SETDB2: variants seen among roughly 807,000 people sequenced by gnomAD.
SETDB2 encodes the protein SET domain bifurcated histone lysine methyltransferase 2, also known as histone-lysine N-methyltransferase SETDB2.
Under a neutral mutation model 82.5 loss-of-function variants are expected in SETDB2, and 56 were observed. That is an observed-to-expected ratio of 0.68 (90% CI 0.55 to 0.85). SETDB2 has a LOEUF of 0.85. Among genes scored for constraint, SETDB2 ranks in the 40% least tolerant of loss-of-function variants. The pLI is 0.00. For synonymous variants in SETDB2, 272 were observed against 284.9 expected (o/e 0.95, Z 0.46); for missense variants, 677 against 816.4 (o/e 0.83, Z 2.08).
At chr13:49,460,083 G>T (rs1383117510) in intron 2 of SETDB2, 24 bp from the exon 3 acceptor site, 2 of 1,604,004 alleles carry the variant, frequency 1.2e-6, no homozygotes, top group Non-Finnish European at 8.5e-7. Flanking sequence ...TAGCTCTTAG[G>T]CTAGTCACTT....
intron 5 of SETDB2, among the ~76,000 whole-genome samples, chr13:49,474,265 C>CAA (rs11386165): frequency 2.0e-4 from 30 of 148,110 alleles, no homozygotes; most frequent in African/African-American, 5.4e-4. Flanking sequence ...CACTCTCTCT[C>CAA]AAAAAAAAAA....
Position 49,494,759 on chromosome 13 carries a change from TA to T in SETDB2, c.*2912del. On this transcript the variant is annotated 3_prime_UTR_variant, in exon 14 of 14. Transcript: ENST00000611815. ...TCAAGACTATACAAATTGTCCTTTT[TA>T]ATGTTCTCTCTTCTGCTATCCCTAG... The T allele has an allele frequency of 6.6e-6, 1 of 152,348 alleles. No homozygotes were observed. The highest frequency in any genetic ancestry group is 2.4e-5 in the African/African-American group (1 of 41,576). The allele number at this position is 152,348 out of a possible 1,614,324, so 9.4% of individuals were successfully genotyped here.
Position 49,490,852 on chromosome 13 carries a change from A to G in SETDB2, c.1948A>G (p.Asn650Asp). 1 of 1,613,586 alleles carries G rather than the reference A, an allele frequency of 6.2e-7. No homozygotes were observed. The highest frequency in any genetic ancestry group is 8.5e-7 in the Non-Finnish European group (1 of 1,179,636). The change falls in exon 13 of 14, where the codon AAT becomes GAT. Residue 650 changes from asparagine to aspartate, a missense_variant. Asn to Asp is a conservative substitution (Grantham distance 23). Transcript: ENST00000611815. ...TTGTTGCCCAAATCTCTTGGTACAG[A>G]ATGTTTTTGTAGAAACACACAACAG... ...HSCCPNLLVQ[N>D]VFVETHNRNF...
chr13:49,460,040 C>A, intron 2 of SETDB2, 67 bp from the exon 3 acceptor site: 1 of 1,490,030 alleles, frequency 6.7e-7, no homozygotes, highest in Non-Finnish European at 9.1e-7. Flanking sequence ...TGTTCTATAA[C>A]ATGTTCTTAG....
At chr13:49,490,766 A>G (rs759139631) in intron 12 of SETDB2, 56 bp from the exon 13 acceptor site, 14 of 1,292,570 alleles carry the variant, frequency 1.1e-5, no homozygotes, top group Admixed American at 7.9e-5. Context: ...ATGCAAAAGC[A>G]CAAGGCATCA....
intron 4 of SETDB2, among the ~76,000 whole-genome samples, chr13:49,465,437 T>C (rs887418524): frequency 6.6e-6 from 1 of 152,224 alleles, no homozygotes; most frequent in Non-Finnish European, 1.5e-5. Flanking sequence ...CTCATGCAAA[T>C]AAATTAGCTG....
intron 4 of SETDB2, among the ~76,000 whole-genome samples, chr13:49,462,993 A>G (rs893330592): frequency 6.6e-6 from 1 of 152,042 alleles, no homozygotes; most frequent in African/African-American, 2.4e-5. Context: ...AGAGACATAA[A>G]CAAATGTGTT....
At chr13:49,477,181 A>G in intron 6 of SETDB2, 142 bp downstream of exon 6, 2 of 747,468 alleles carry the variant, frequency 2.7e-6, no homozygotes, top group Non-Finnish European at 4.1e-6. Context: ...CACGTGTGTA[A>G]TCCCAGCACT....
intron 2 of SETDB2, among the ~76,000 whole-genome samples, chr13:49,452,246 G>A (rs1386505098): frequency 6.6e-6 from 1 of 151,968 alleles, no homozygotes; most frequent in Non-Finnish European, 1.5e-5. Context: ...TGAGTAGCTG[G>A]GATTACAGGC....
intron 4 of SETDB2, among the ~76,000 whole-genome samples, chr13:49,464,984 C>G (rs575335657): frequency 6.6e-6 from 1 of 151,460 alleles, no homozygotes; most frequent in Non-Finnish European, 1.5e-5. Context: ...GAGGATCGCT[C>G]GAGCCCAGGA....
In SETDB2 at chr13:49,488,631, G is replaced by A; in HGVS notation, c.1917+1G>A. The stretch of plus-strand genomic sequence containing the variant: ...AGGAAATGTCGGCCGCTTCCTTAAT[G>A]TGAGTATAAGGGCTGAGATTCCTAT... On this transcript the variant is annotated splice_donor_variant, in intron 12 of 13. Transcript: ENST00000611815. LOFTEE classifies it high-confidence loss of function. 1 of 1,575,028 alleles carries A rather than the reference G, an allele frequency of 6.3e-7. No homozygotes were observed. The highest frequency in any genetic ancestry group is 1.9e-5 in the Admixed American group (1 of 53,006).
chr13:49,473,808 T>G (rs1374149047), intron 5 of SETDB2, among the ~76,000 whole-genome samples: 1 of 152,094 alleles, frequency 6.6e-6, no homozygotes, highest in African/African-American at 2.4e-5. Flanking sequence ...GAAAATAGGG[T>G]GTTTTATCTC....
At chr13:49,476,115 A>G (rs1352352615) in intron 5 of SETDB2, among the ~76,000 whole-genome samples, 1 of 152,126 alleles carries the variant, frequency 6.6e-6, no homozygotes, top group African/African-American at 2.4e-5. Flanking sequence ...TGTAATCACA[A>G]CTTCCTGGAA....
chr13:49,480,928 T>A lies in SETDB2; in HGVS notation c.987-19T>A. 4 of 1,613,282 alleles carry A rather than the reference T, an allele frequency of 2.5e-6. No individual in the cohort carries two copies. Among genetic ancestry groups the A allele is most frequent in the Non-Finnish European group, 3.4e-6 (4 of 1,179,446 alleles). ...TTTTTGAGATGTCTGATTTTCTCTT[T>A]TGCATATTTTGTTGACAGCATTTAT... On this transcript the variant is annotated intron_variant, in intron 7 of 13. Transcript: ENST00000611815.
At chr13:49,483,710 C>A in intron 10 of SETDB2, 147 bp downstream of exon 10, 3 of 435,430 alleles carry the variant, frequency 6.9e-6, no homozygotes. Context: ...CTCACTGCAG[C>A]CACAATCTCC....
chr13:49,452,489 T>G (rs1172386921), intron 2 of SETDB2, among the ~76,000 whole-genome samples: 2 of 152,196 alleles, frequency 1.3e-5, no homozygotes, highest in Non-Finnish European at 2.9e-5. Context: ...GTAAACCTGG[T>G]ACTTAGCTTT....
intron 5 of SETDB2, among the ~76,000 whole-genome samples, chr13:49,470,966 C>CTTTCTTTCTTTTTTT (rs10695231): frequency 2.7e-4 from 22 of 80,470 alleles, no homozygotes; most frequent in South Asian, 4.5e-4. Flanking sequence ...TTCTTTCTTT[C>CTTTCTTTCTTTTTTT]TTTTTTTTTT....
intron 11 of SETDB2, among the ~76,000 whole-genome samples, chr13:49,486,017 T>C (rs1007336949): frequency 1.3e-5 from 2 of 151,732 alleles, no homozygotes; most frequent in African/African-American, 4.9e-5. Context: ...ATTACAATTT[T>C]AGTGTCCAGA....
At chr13:49,459,373 A>G (rs1179347934) in intron 2 of SETDB2, among the ~76,000 whole-genome samples, 1 of 152,182 alleles carries the variant, frequency 6.6e-6, no homozygotes, top group Non-Finnish European at 1.5e-5. Flanking sequence ...TCTAAAATGC[A>G]ATTATTACGA....
Sources: allele counts gnomAD v4.1 joint callset (sites outside exome capture counted in the v4.1 genomes callset), GRCh38; gene constraint gnomAD v4.1.1; transcripts MANE v1.5; gene names NCBI Gene and HGNC (gene_info 2026-07-23, HGNC 2026-07-21).